Variants in MGMT observed in about 807,000 individuals in gnomAD.
MGMT encodes O-6-methylguanine-DNA methyltransferase.
Under a neutral mutation model 15.9 loss-of-function variants are expected in MGMT, and 14 were observed. That is an observed-to-expected ratio of 0.88 (90% confidence interval 0.58 to 1.37). The LOEUF (loss-of-function observed/expected upper bound fraction) is 1.37, where lower values mean the gene tolerates loss of function less well. Ranked by LOEUF, MGMT falls within the 40% of genes most tolerant of loss-of-function variation. The probability of loss-of-function intolerance (pLI) is 0.00; values close to 1 mark genes in which losing one functional copy is unlikely to be tolerated. For synonymous variants in MGMT, 130 were observed against 118.2 expected (o/e 1.10, Z -0.65); for missense variants, 282 against 268.1 (o/e 1.05, Z -0.36).
intron 1 of MGMT, among the ~76,000 whole-genome samples, chr10:129,524,403 A>G (rs1469783479): frequency 6.6e-6 from 1 of 152,110 alleles, no homozygotes; most frequent in Non-Finnish European, 1.5e-5. Context: ...TCTGCCATGC[A>G]CCGTGCGTGT....
intron 1 of MGMT, among the ~76,000 whole-genome samples, chr10:129,524,350 C>T (rs1330630742): frequency 2.6e-5 from 4 of 152,334 alleles, no homozygotes; most frequent in African/African-American, 7.2e-5. Flanking sequence ...ACACAATTAG[C>T]TGCAGGACGC....
chr10:129,665,980 G>C (rs1053995907), intron 2 of MGMT, among the ~76,000 whole-genome samples: 1 of 152,098 alleles, frequency 6.6e-6, no homozygotes, highest in Admixed American at 6.5e-5. Flanking sequence ...CAACTGTACT[G>C]TATTATGGTT....
intron 1 of MGMT, among the ~76,000 whole-genome samples, chr10:129,502,645 C>G (rs1000100499): frequency 2.0e-5 from 3 of 152,082 alleles, no homozygotes; most frequent in Non-Finnish European, 2.9e-5. Flanking sequence ...TTTTCCCCTG[C>G]ATGAAGAGGG....
At chr10:129,753,037 T>C (rs928094022) in intron 3 of MGMT, among the ~76,000 whole-genome samples, 3 of 152,198 alleles carry the variant, frequency 2.0e-5, no homozygotes, top group Non-Finnish European at 4.4e-5. Context: ...AGATTTTCCT[T>C]TTTATCAGCA....
chr10:129,656,071 CAG>C (rs1469668094), intron 2 of MGMT, among the ~76,000 whole-genome samples: 1 of 152,214 alleles, frequency 6.6e-6, no homozygotes, highest in Non-Finnish European at 1.5e-5. Flanking sequence ...AGACACATCA[CAG>C]ATGCAGACTG....
chr10:129,727,036 C>CA (rs1848442061), intron 3 of MGMT, among the ~76,000 whole-genome samples: 1 of 152,208 alleles, frequency 6.6e-6, no homozygotes, highest in African/African-American at 2.4e-5. Flanking sequence ...GAAGTTGTGA[C>CA]ATTTGGCCCA....
intron 1 of MGMT, among the ~76,000 whole-genome samples, chr10:129,501,258 G>A (rs1372823023): frequency 2.0e-5 from 3 of 152,224 alleles, no homozygotes; most frequent in African/African-American, 7.2e-5. Flanking sequence ...CTTGGGCCCT[G>A]ATACCTCTCA....
At chr10:129,722,558 T>G (rs944169331) in intron 3 of MGMT, among the ~76,000 whole-genome samples, 2 of 152,196 alleles carry the variant, frequency 1.3e-5, no homozygotes, top group African/African-American at 2.4e-5. Context: ...TTGTAGGACT[T>G]ACATTACCTG....
chr10:129,548,603 G>A (rs1031627968), intron 2 of MGMT, among the ~76,000 whole-genome samples: 1 of 152,220 alleles, frequency 6.6e-6, no homozygotes, highest in Admixed American at 6.5e-5. Flanking sequence ...TTGAGACCGT[G>A]ACACCCTTCT....
At chr10:129,662,118 G>T (rs1847604593) in intron 2 of MGMT, among the ~76,000 whole-genome samples, 1 of 152,086 alleles carries the variant, frequency 6.6e-6, no homozygotes. Context: ...TAAGAATGGG[G>T]GTGGGGACAC....
At chr10:129,633,057 G>T (rs1847228738) in intron 2 of MGMT, among the ~76,000 whole-genome samples, 1 of 152,144 alleles carries the variant, frequency 6.6e-6, no homozygotes, top group Non-Finnish European at 1.5e-5. Flanking sequence ...GGATGGGCCG[G>T]AAATGGGGAT....
intron 1 of MGMT, among the ~76,000 whole-genome samples, chr10:129,522,856 T>C (rs558131106): frequency 1.3e-5 from 2 of 152,186 alleles, no homozygotes; most frequent in Non-Finnish European, 2.9e-5. Context: ...GGGGCAGGAA[T>C]TGGTGGCTTT....
chr10:129,581,658 A>G (rs1275753451), intron 2 of MGMT, among the ~76,000 whole-genome samples: 1 of 152,186 alleles, frequency 6.6e-6, no homozygotes, highest in Non-Finnish European at 1.5e-5. Context: ...CTTTCTTTAA[A>G]AAACAAAACA....
intron 2 of MGMT, among the ~76,000 whole-genome samples, chr10:129,593,723 C>T (rs1172484139): frequency 2.0e-5 from 3 of 152,154 alleles, no homozygotes; most frequent in Admixed American, 6.5e-5. Flanking sequence ...GGGGAAAGTA[C>T]GCCACAGACA....
At chr10:129,601,596 G>T (rs780056619) in intron 2 of MGMT, among the ~76,000 whole-genome samples, 3 of 152,156 alleles carry the variant, frequency 2.0e-5, no homozygotes, top group Admixed American at 6.5e-5. Context: ...GCACCACCTC[G>T]AGATCGATTC....
chr10:129,512,446 A>C (rs61859853), intron 1 of MGMT, among the ~76,000 whole-genome samples: 23,518 of 152,082 alleles, frequency 0.15, 2,540 homozygotes, highest in African/African-American at 0.3. Flanking sequence ...CCCTAGAGTC[A>C]GACCACAGCC....
intron 2 of MGMT, among the ~76,000 whole-genome samples, chr10:129,546,348 G>A (rs1024485395): frequency 6.6e-6 from 1 of 152,204 alleles, no homozygotes; most frequent in Admixed American, 6.5e-5. Flanking sequence ...GAGCTGAATG[G>A]GGCTGACCGA....
At chr10:129,640,744 A>C (rs951151918) in intron 2 of MGMT, among the ~76,000 whole-genome samples, 7 of 152,212 alleles carry the variant, frequency 4.6e-5, no homozygotes, top group Non-Finnish European at 8.8e-5. Context: ...GAAACCAGGA[A>C]ATATATAAAG....
At chr10:129,703,997 G>T (rs1003442547) in intron 2 of MGMT, among the ~76,000 whole-genome samples, 1 of 152,096 alleles carries the variant, frequency 6.6e-6, no homozygotes, top group Non-Finnish European at 1.5e-5. Context: ...GGGAGCCGGG[G>T]CTAACCCTCA....
Sources: allele counts gnomAD v4.1 joint callset (sites outside exome capture counted in the v4.1 genomes callset), GRCh38; gene constraint gnomAD v4.1.1; transcripts MANE v1.5; gene names NCBI Gene and HGNC (gene_info 2026-07-23, HGNC 2026-07-21).